NCAPG: variants seen among roughly 807,000 people sequenced by gnomAD.
NCAPG encodes condensin complex subunit 3.
NCAPG carries 69 observed loss-of-function variants against 113.1 expected under a neutral mutation model. That is an observed-to-expected ratio of 0.61 (90% CI 0.50 to 0.75). The LOEUF is 0.75. Ranked by LOEUF, NCAPG falls within the 30% of genes least tolerant of loss-of-function variation. The pLI is 0.00. For missense variants in NCAPG, 1,058 were observed against 1,177.0 expected (o/e 0.90, Z 1.48); for synonymous variants, 370 against 415.8 (o/e 0.89, Z 1.34).
chr4:17,839,614 T>C, intron 16 of NCAPG, 62 bp from the exon 17 acceptor site: 1 of 1,171,244 alleles, frequency 8.5e-7, no homozygotes, highest in Non-Finnish European at 1.2e-6. Flanking sequence ...GTTAGATGTG[T>C]AAGACTATAT....
intron 2 of NCAPG, 104 bp from the exon 3 acceptor site, chr4:17,812,813 G>T: frequency 2.1e-6 from 2 of 932,748 alleles, no homozygotes; most frequent in South Asian, 3.2e-5. Context: ...GAAATGAATT[G>T]TTGTTGTAAC....
chr4:17,828,223 T>G, intron 11 of NCAPG, 55 bp from the exon 12 acceptor site: 1 of 1,305,296 alleles, frequency 7.7e-7, no homozygotes, highest in Non-Finnish European at 1.1e-6. Flanking sequence ...AAAGCAAACA[T>G]TTAAAGGATG....
rs748965808 is a variant in NCAPG, at chr4:17,842,337, G to A, written c.2882G>A (p.Arg961Lys). The A allele has an allele frequency of 8.1e-6, 13 of 1,612,190 alleles. No individual in the cohort carries two copies. In the Admixed American group the frequency reaches 2.2e-4, roughly 27 times the overall value. Reference protein sequence around the residue: ...RGQRKVTVSARTNRRCQTAEA... With the variant: ...RGQRKVTVSAKTNRRCQTAEA... ...CAGAGAAAAGTGACAGTTTCAGCTA[G>A]GACGAACAGGAGGTGTCAGACTGCT... Residue 961 changes from arginine (R) to lysine (K), a missense_variant, in exon 20 of 21, where the codon AGG becomes AAG. Arg to Lys is a conservative substitution (Grantham distance 26). Coordinates refer to ENST00000251496, the MANE Select transcript of NCAPG (RefSeq NM_022346.5).
In NCAPG at chr4:17,842,383, T is replaced by G. The variant is rs758489610; in HGVS notation, c.2924+4T>G. ...CTGCTGAAGCCGACTCTGAAAGGTA[T>G]GTCATGCATGTCTAGAATATATGGA... is the stretch of plus-strand genomic sequence containing the variant. On this transcript the variant is annotated splice_donor_region_variant and intron_variant, in intron 20 of 20. Coordinates refer to ENST00000251496, the MANE Select transcript of NCAPG (RefSeq NM_022346.5). The G allele has an allele frequency of 2.5e-6, 4 of 1,610,192 alleles. No homozygotes were observed. The highest frequency in any genetic ancestry group is 1.3e-5 in the African/African-American group (1 of 74,790).
At chr4:17,842,588 A>G (rs1045740432) in intron 20 of NCAPG, 5 of 521,036 alleles carry the variant, frequency 9.6e-6, no homozygotes, top group South Asian at 4.5e-5. Context: ...ATTAGCTGGC[A>G]TGGTCTTTAG....
At position 17,817,973 on chromosome 4, in the gene NCAPG, A is replaced by G. The variant is rs1721286294; in HGVS notation, c.1003A>G (p.Ile335Val). The change falls in exon 7 of 21, where the codon ATT becomes GTT. Residue 335 changes from isoleucine (I) to valine (V), a missense_variant. Physicochemically the swap from Ile to Val is conservative, Grantham distance 29. Coordinates refer to ENST00000251496, the MANE Select transcript of NCAPG (RefSeq NM_022346.5). ...LIPVETLTPE[I>V]ALYWCALCEY... is the part of the protein sequence containing the mutation. The stretch of plus-strand genomic sequence containing the variant: ...TCCAGTGGAAACATTAACTCCTGAA[A>G]TTGCTTTGTATTGGTGTGCCCTTTG... The G allele has an allele frequency of 1.9e-6, 3 of 1,604,692 alleles. No individual in the cohort carries two copies. The highest frequency in any genetic ancestry group is 2.5e-6 in the Non-Finnish European group (3 of 1,177,566).
Position 17,840,705 on chromosome 4 carries a change from A to T in NCAPG, c.2854+12A>T. Reference sequence around the variant, plus strand: ...AAAGACTAACAGAGGTAGTGTGTGGATTGACCATCTTTATGATAAAAGTTT... The same window carrying T: ...AAAGACTAACAGAGGTAGTGTGTGGTTTGACCATCTTTATGATAAAAGTTT... On this transcript the variant is annotated intron_variant, in intron 19 of 20. Transcript: ENST00000251496. The T allele has an allele frequency of 6.9e-7, 1 of 1,458,036 alleles. No homozygotes were observed. Among genetic ancestry groups the T allele is most frequent in the Non-Finnish European group, 9.1e-7 (1 of 1,101,974 alleles). 90.3% of individuals were successfully genotyped at this position (1,458,036 alleles called of 1,614,324 possible).
intron 5 of NCAPG, among the ~76,000 whole-genome samples, chr4:17,816,298 G>C (rs1450140763): frequency 2.6e-5 from 4 of 152,136 alleles, no homozygotes; most frequent in African/African-American, 9.7e-5. Flanking sequence ...TGCATCTGCT[G>C]ATCTGACAGT....
In NCAPG at chr4:17,815,325, A is replaced by T. The variant is rs151066063; in HGVS notation, c.742A>T (p.Met248Leu). Residue 248 changes from methionine (M) to leucine (L), a missense_variant, in exon 5 of 21, where the codon ATG becomes TTG. Met to Leu is a conservative substitution (Grantham distance 15). Coordinates refer to ENST00000251496, the MANE Select transcript of NCAPG (RefSeq NM_022346.5). ...AGCTATGTCCATTGCTCAGAGAGTAATGCTCCTTCAACAAGGTCTTAATGA... is the reference window on the plus strand; with the variant it reads ...AGCTATGTCCATTGCTCAGAGAGTATTGCTCCTTCAACAAGGTCTTAATGA... ...MRAMSIAQRV[M>L]LLQQGLNDRS... is the part of the protein sequence containing the mutation. 7.9e-5 allele frequency: 126 copies of T among 1,586,750 alleles called. 1 individual carries two copies. The highest frequency in any genetic ancestry group is 7.7e-6 in the Non-Finnish European group (9 of 1,173,790).
At chr4:17,840,288 T>C in intron 18 of NCAPG, 79 bp downstream of exon 18, 1 of 1,394,696 alleles carries the variant, frequency 7.2e-7, no homozygotes, top group South Asian at 1.8e-5. Flanking sequence ...TTTTTTCTAC[T>C]CTAACATGTT....
chr4:17,842,433 A>G (rs1158973618), intron 20 of NCAPG, 54 bp downstream of exon 20: 1 of 1,464,738 alleles, frequency 6.8e-7, no homozygotes, highest in East Asian at 2.3e-5. Flanking sequence ...TTTTATTTCT[A>G]CAAGTAGAAA....
Position 17,843,430 on chromosome 4 carries a change from G to C in NCAPG, c.*5G>C, listed in dbSNP as rs1285186091. Reference sequence around the variant, plus strand: ...CTCAATGAAGATCTAAGTTAGGAAAGACGATGGAGGTGGAATCCTTTAAGA... The same window carrying C: ...CTCAATGAAGATCTAAGTTAGGAAACACGATGGAGGTGGAATCCTTTAAGA... On this transcript the variant is annotated 3_prime_UTR_variant, in exon 21 of 21. Transcript: ENST00000251496. 6.2e-7 allele frequency: 1 copy of C among 1,610,344 alleles called. No homozygotes were observed. The highest frequency in any genetic ancestry group is 8.5e-7 in the Non-Finnish European group (1 of 1,177,352).
rs1722177098 is a variant in NCAPG, at chr4:17,838,107, T to A, written c.2466+306T>A. Among the ~76,000 whole-genome samples the A allele has an allele frequency of 2.6e-5, 4 of 152,332 alleles. No individual in the cohort carries two copies. In the South Asian group the frequency reaches 8.3e-4, roughly 32 times the overall value. On this transcript the variant is annotated intron_variant, in intron 16 of 20. Coordinates refer to ENST00000251496, the MANE Select transcript of NCAPG (RefSeq NM_022346.5). ...TATGTTATCTAGGACTCACAGAGTC[T>A]TCAAATGTTGGCTTACCTGCTATGC...
rs1284453644 is a variant in NCAPG at position 17,844,566 on chromosome 4, A to ATGAT, written c.*1142_*1145dup. The ATGAT allele has an allele frequency of 7.2e-5, 11 of 152,444 alleles. No individual in the cohort carries two copies. The highest frequency in any genetic ancestry group is 8.8e-5 in the Non-Finnish European group (6 of 67,876). 9.4% of individuals were successfully genotyped at this position (152,444 alleles called of 1,614,324 possible). On this transcript the variant is annotated 3_prime_UTR_variant, in exon 21 of 21. Transcript: ENST00000251496. Reference sequence around the variant, plus strand: ...TTATTAAGCAAAAGGAAAAATGGTAATGATAGAAAGTCAGTTAAAAATAGA... The same window carrying ATGAT: ...TTATTAAGCAAAAGGAAAAATGGTAATGATTGATAGAAAGTCAGTTAAAAATAGA...
At chr4:17,830,013 A>C (rs995970610) in intron 12 of NCAPG, among the ~76,000 whole-genome samples, 3 of 152,328 alleles carry the variant, frequency 2.0e-5, no homozygotes, top group Middle Eastern at 6.8e-3. Context: ...TGTATGAAAA[A>C]GTGAGAGAAG....
At position 17,828,397 on chromosome 4, in the gene NCAPG, A is replaced by G. The variant is rs548916024; in HGVS notation, c.1764+9A>G. On this transcript the variant is annotated intron_variant, in intron 12 of 20. Coordinates refer to ENST00000251496, the MANE Select transcript of NCAPG (RefSeq NM_022346.5). ...GAATCATCGAATCTTTGGTATGTTGATGGCCTCTTGGGCTTTATTTTAGTC... is the reference window on the plus strand; with the variant it reads ...GAATCATCGAATCTTTGGTATGTTGGTGGCCTCTTGGGCTTTATTTTAGTC... The G allele has an allele frequency of 2.8e-5, 43 of 1,559,812 alleles. No individual in the cohort carries two copies. The East Asian group carries it at 8.6e-4, about 31-fold the overall frequency.
At chr4:17,828,248 C>G in intron 11 of NCAPG, 30 bp from the exon 12 acceptor site, 1 of 1,497,144 alleles carries the variant, frequency 6.7e-7, no homozygotes, top group Non-Finnish European at 9.2e-7. Flanking sequence ...GAAGATATTA[C>G]TAATGCTGAA....
rs138070486 is a variant in NCAPG at position 17,817,961 on chromosome 4, T to G, written c.991T>G (p.Leu331Val). The change falls in exon 7 of 21, where the codon TTA becomes GTA. Residue 331 changes from leucine to valine, a missense_variant. Physicochemically the swap from Leu to Val is conservative, Grantham distance 32. Coordinates refer to ENST00000251496, the MANE Select transcript of NCAPG (RefSeq NM_022346.5). ...AAGGAAATTGATTCCAGTGGAAACA[T>G]TAACTCCTGAAATTGCTTTGTATTG... ...DGRKLIPVET[L>V]TPEIALYWCA... The G allele has an allele frequency of 5.2e-5, 84 of 1,602,938 alleles. No individual in the cohort carries two copies. The African/African-American group carries it at 9.1e-4, about 17-fold the overall frequency.
At chr4:17,840,788 C>T (rs1722333456) in intron 19 of NCAPG, 95 bp downstream of exon 19, 1 of 710,024 alleles carries the variant, frequency 1.4e-6, no homozygotes, top group Admixed American at 3.7e-5. Flanking sequence ...TCTTTGTTTC[C>T]TTAGGGATAA....
Sources: gnomAD v4.1 joint callset for allele counts (sites outside exome capture counted in the v4.1 genomes callset) on GRCh38, gnomAD v4.1.1 for gene constraint, MANE v1.5 for transcripts, NCBI Gene and HGNC (gene_info 2026-07-23, HGNC 2026-07-21) for gene names.